The following PGLYRP2 variants were observed in gnomAD, a reference collection of about 807,000 sequenced individuals.
PGLYRP2 encodes N-acetylmuramoyl-L-alanine amidase.
PGLYRP2 carries 38 observed loss-of-function variants against 46.2 expected under a neutral mutation model. The ratio of observed to expected loss-of-function variants is 0.82; its 90% confidence interval spans 0.64 to 1.08. The LOEUF (loss-of-function observed/expected upper bound fraction) is 1.08, where lower values mean the gene tolerates loss of function less well. PGLYRP2 is among the 50% of genes least tolerant of loss of function. The pLI is 0.00. For missense variants in PGLYRP2, 713 were observed against 755.9 expected, an observed-to-expected ratio of 0.94 and a Z score of 0.67; for synonymous variants, 289 against 329.4, an observed-to-expected ratio of 0.88 and a Z score of 1.33.
rs1195883421 is a variant in PGLYRP2 at position 15,479,478 on chromosome 19, C to T, written c.-107G>A. ...CAGAGAACTGAGCAGAGCCTTTGAC[C>T]ACTGTCAAAGTCCAGCGGCGAATGA... On this transcript the variant is annotated 5_prime_UTR_variant, in exon 1 of 5. Coordinates refer to ENST00000340880, the MANE Select transcript of PGLYRP2 (RefSeq NM_052890.4). The T allele has an allele frequency of 8.7e-7, 1 of 1,152,752 alleles. No individual in the cohort carries two copies. The highest frequency in any genetic ancestry group is 1.3e-6 in the Non-Finnish European group (1 of 784,444). The allele number at this position is 1,152,752 out of a possible 1,614,324, so 71.4% of individuals were successfully genotyped here.
chr19:15,476,833 G>T (rs1367010676), intron 1 of PGLYRP2, among the ~76,000 whole-genome samples: 1 of 152,158 alleles, frequency 6.6e-6, no homozygotes, highest in Non-Finnish European at 1.5e-5. Context: ...TTATGAGCAG[G>T]ACAGAGGTGT....
chr19:15,475,646 G>A lies in PGLYRP2; in HGVS notation c.1024C>T (p.Leu342Phe). 2.5e-6 allele frequency: 4 copies of A among 1,614,168 alleles called. No individual in the cohort carries two copies. Among genetic ancestry groups the A allele is most frequent in the Non-Finnish European group, 3.4e-6 (4 of 1,180,026 alleles). ...LAQQVWGTLV[L>F]LQRLEPVHLQ... ...TGTACTGGCTCCAGCCTCTGTAGAA[G>A]GACAAGGGTTCCCCACACCTGCTGG... is the stretch of plus-strand genomic sequence containing the variant. Residue 342 changes from leucine (L) to phenylalanine (F), a missense_variant, in exon 2 of 5, where the codon CTT (leucine) becomes TTT (phenylalanine). Transcript: ENST00000340880.
In PGLYRP2 at chr19:15,469,708, T is replaced by C; in HGVS notation, c.1565A>G (p.His522Arg). The change falls in exon 4 of 5, where the codon CAC (histidine) becomes CGC (arginine). Residue 522 changes from histidine to arginine, a missense_variant. His to Arg is a conservative substitution (Grantham distance 29). Transcript: ENST00000340880. This position sits in a 1 kb window ranked among gnomAD's most constrained non-coding sequence, Gnocchi z 4.9. Reference protein sequence around the residue: ...LLRPDYALLGHRQLVRTDCPG... With the variant: ...LLRPDYALLGRRQLVRTDCPG... ...GCAGTCGGTGCGCACCAGCTGGCGG[T>C]GGCCCAGCAGCGCGTAGTCTGGCCG... 3 of 1,514,070 alleles carry C rather than the reference T, an allele frequency of 2.0e-6. No homozygotes were observed. Among genetic ancestry groups the C allele is most frequent in the Non-Finnish European group, 2.6e-6 (3 of 1,136,656 alleles). 93.8% of individuals were successfully genotyped at this position (1,514,070 alleles called of 1,614,324 possible). A position where few individuals can be genotyped will look rare whatever the true frequency, so the allele number is the denominator to read the frequency against.
At chr19:15,475,475 T>C in intron 2 of PGLYRP2, 63 bp downstream of exon 2, 1 of 1,458,948 alleles carries the variant, frequency 6.9e-7, no homozygotes, top group Non-Finnish European at 9.3e-7. Flanking sequence ...TCCCTGAATA[T>C]ACGGGGTGGG....
intron 2 of PGLYRP2, among the ~76,000 whole-genome samples, chr19:15,473,882 C>T (rs1234541360): frequency 1.3e-5 from 2 of 151,086 alleles, no homozygotes; most frequent in Admixed American, 1.3e-4. Context: ...AAGAAACCCA[C>T]TAAAAAGCGG....
chr19:15,477,254 A>C (rs540624902), intron 1 of PGLYRP2, among the ~76,000 whole-genome samples: 2 of 151,900 alleles, frequency 1.3e-5, no homozygotes, highest in Non-Finnish European at 2.9e-5. Context: ...TTAGCCAGGC[A>C]TGGTGGTGTG....
rs2145515723 is a variant in PGLYRP2 at position 15,471,902 on chromosome 19, T to C, written c.1331A>G (p.Asp444Gly). 1 of 1,613,678 alleles carries C rather than the reference T, an allele frequency of 6.2e-7. No individual in the cohort carries two copies. The highest frequency in any genetic ancestry group is 1.7e-4 in the Middle Eastern group (1 of 6,054). The change falls in exon 3 of 5, where the codon GAC becomes GGC. Residue 444 changes from aspartate (D) to glycine (G), a missense_variant. Transcript: ENST00000340880. ...RYHQDTQGWG[D>G]IGYSFVVGSD... ...GGGCCCCTCCTACCTGTAGCCGATG[T>C]CTCCCCAGCCTTGCGTGTCCTGGTG...
At chr19:15,475,480 G>A (rs1157777895) in intron 2 of PGLYRP2, 58 bp downstream of exon 2, 2 of 1,470,468 alleles carry the variant, frequency 1.4e-6, no homozygotes, top group East Asian at 2.3e-5. Flanking sequence ...GAATATACGG[G>A]GTGGGGGCGT....
intron 2 of PGLYRP2, among the ~76,000 whole-genome samples, chr19:15,473,852 GAAAGAAAA>G (rs1472263766): frequency 6.7e-6 from 1 of 149,052 alleles, no homozygotes; most frequent in African/African-American, 2.5e-5. Context: ...AAGAAAGAAA[GAAAGAAAA>G]AGAAAGAAAG....
chr19:15,475,937 T>C lies in PGLYRP2; in HGVS notation c.733A>G (p.Thr245Ala), dbSNP rs1439415651. The change falls in exon 2 of 5, where the codon ACT becomes GCT. Residue 245 changes from threonine (T) to alanine (A), a missense_variant. Thr to Ala is a moderately conservative substitution (Grantham distance 58, BLOSUM62 0). Transcript: ENST00000340880. ...SQTQSHPDLG[T>A]EGCWDQLSAP... The stretch of plus-strand genomic sequence containing the variant: ...GAGAGCTGGTCCCAGCAGCCCTCAG[T>C]TCCCAGGTCTGGATGGCTCTGGGTC... 1 of 1,614,098 alleles carries C rather than the reference T, an allele frequency of 6.2e-7. No homozygotes were observed. The highest frequency in any genetic ancestry group is 2.2e-5 in the East Asian group (1 of 44,864).
At position 15,469,051 on chromosome 19, in the gene PGLYRP2, C is replaced by G; in HGVS notation, c.1642-299G>C. 1.9e-6 allele frequency: 1 copy of G among 512,868 alleles called. No homozygotes were observed. The highest frequency in any genetic ancestry group is 3.5e-6 in the Non-Finnish European group (1 of 288,008). 31.8% of individuals were successfully genotyped at this position (512,868 alleles called of 1,614,324 possible). A position where few individuals can be genotyped will look rare whatever the true frequency, so the allele number is the denominator to read the frequency against. ...GTTGTGCTGGCATAAGAGTTGTCAT[C>G]AGGGGTTAAGGAGTCAGGGACGAAA... is the stretch of plus-strand genomic sequence containing the variant. On this transcript the variant is annotated intron_variant, in intron 4 of 4. Transcript: ENST00000340880. This position sits in a 1 kb window ranked among gnomAD's most constrained non-coding sequence, Gnocchi z 4.9.
intron 1 of PGLYRP2, among the ~76,000 whole-genome samples, chr19:15,477,890 T>A (rs913334328): frequency 2.0e-5 from 3 of 152,150 alleles, no homozygotes; most frequent in Non-Finnish European, 2.9e-5. Context: ...TAGCTAACTT[T>A]CAGTAAACAT....
At chr19:15,475,376 A>T (rs1412077130) in intron 2 of PGLYRP2, among the ~76,000 whole-genome samples, 162 bp downstream of exon 2, 2 of 151,984 alleles carry the variant, frequency 1.3e-5, no homozygotes, top group Non-Finnish European at 2.9e-5. Flanking sequence ...TCAAGGCCCA[A>T]CTCTGGCATT....
intron 3 of PGLYRP2, 148 bp downstream of exon 3, chr19:15,471,742 C>T (rs1384274457): frequency 1.4e-5 from 13 of 898,716 alleles, no homozygotes; most frequent in Admixed American, 2.9e-5. Context: ...CACGCCACCT[C>T]TCCAACTTTG....
rs1461914992 is a variant in PGLYRP2 at position 15,471,886 on chromosome 19, C to T, written c.1343+4G>A. The stretch of plus-strand genomic sequence containing the variant: ...CGCCCCCTCCCCGGTCGGGCCCCTC[C>T]TACCTGTAGCCGATGTCTCCCCAGC... On this transcript the variant is annotated splice_donor_region_variant and intron_variant, in intron 3 of 4. Transcript: ENST00000340880. 1.2e-6 allele frequency: 2 copies of T among 1,612,968 alleles called. No homozygotes were observed. The highest frequency in any genetic ancestry group is 1.7e-6 in the Non-Finnish European group (2 of 1,179,316).
At position 15,476,296 on chromosome 19, in the gene PGLYRP2, A is replaced by G. The variant is rs1970795351; in HGVS notation, c.374T>C (p.Leu125Pro). The change falls in exon 2 of 5, where the codon CTG (leucine) becomes CCG (proline). Residue 125 changes from leucine (L) to proline (P), a missense_variant. Leu to Pro is a moderately conservative substitution (Grantham distance 98). Transcript: ENST00000340880. ...TTGCAGCCCTGCCTCCAGCCCCGCC[A>G]GCAGAGGCTCCACAGCCACGGTCGA... is the stretch of plus-strand genomic sequence containing the variant. Reference protein sequence around the residue: ...DGSTVAVEPLLAGLEAGLQGR... With the variant: ...DGSTVAVEPLPAGLEAGLQGR... The G allele has an allele frequency of 6.2e-7, 1 of 1,613,952 alleles. No individual in the cohort carries two copies. The highest frequency in any genetic ancestry group is 8.5e-7 in the Non-Finnish European group (1 of 1,180,014).
chr19:15,479,249 A>AC, intron 1 of PGLYRP2, 62 bp downstream of exon 1: 3 of 1,553,360 alleles, frequency 1.9e-6, no homozygotes, highest in Non-Finnish European at 2.7e-6. Flanking sequence ...CATAGATGGG[A>AC]CAGCAGTACG....
chr19:15,469,442 C>T lies in PGLYRP2; in HGVS notation c.1641+190G>A. ...GCTGCATAGGCAGAAGTCACAGGAT[C>T]AGGGATGTTGCCCGCAGAGTGACCC... is the stretch of plus-strand genomic sequence containing the variant. On this transcript the variant is annotated intron_variant, in intron 4 of 4. Coordinates refer to ENST00000340880, the MANE Select transcript of PGLYRP2 (RefSeq NM_052890.4). This position sits in a 1 kb window ranked among gnomAD's most constrained non-coding sequence, Gnocchi z 4.9. The T allele has an allele frequency of 2.4e-6, 2 of 826,304 alleles. No individual in the cohort carries two copies. The highest frequency in any genetic ancestry group is 4.0e-6 in the Non-Finnish European group (2 of 497,014). 51.2% of individuals were successfully genotyped at this position (826,304 alleles called of 1,614,324 possible). A position where few individuals can be genotyped will look rare whatever the true frequency, so the allele number is the denominator to read the frequency against.
intron 1 of PGLYRP2, among the ~76,000 whole-genome samples, chr19:15,477,234 A>G (rs1045999743): frequency 3.3e-5 from 5 of 151,882 alleles, no homozygotes; most frequent in Non-Finnish European, 5.9e-5. Context: ...CTCTAATAAA[A>G]ATACAAAAAT....
Sources: gnomAD v4.1 joint callset for allele counts (sites outside exome capture counted in the v4.1 genomes callset) on GRCh38, gnomAD v4.1.1 for gene constraint, Gnocchi (gnomAD v3.1) non-coding constraint, MANE v1.5 for transcripts, NCBI Gene and HGNC (gene_info 2026-07-23, HGNC 2026-07-21) for gene names.